ROBO2: variants seen among roughly 807,000 people sequenced by gnomAD.
The protein encoded by ROBO2 is roundabout homolog 2.
ROBO2 carries 53 observed loss-of-function variants against 160.8 expected under a neutral mutation model. The ratio of observed to expected loss-of-function variants is 0.33; its 90% CI spans 0.26 to 0.41. The LOEUF is 0.41. Ranked by LOEUF, ROBO2 falls within the 10% of genes least tolerant of loss-of-function variation. ROBO2 has a pLI of 1.00. For synonymous variants in ROBO2, 664 were observed against 611.7 expected (o/e 1.09, Z -1.26); for missense variants, 1,577 against 1,722.4 (o/e 0.92, Z 1.49).
In ROBO2 at chr3:76,758,436, G is replaced by A. The variant is rs192229240; in HGVS notation, c.110-339578G>A. ...TGGACAGGGTGTGAGGTCTGTAAATGTGTATTCTCAGGTTTTGTCCTTAAC... is the reference window on the plus strand; with the variant it reads ...TGGACAGGGTGTGAGGTCTGTAAATATGTATTCTCAGGTTTTGTCCTTAAC... On this transcript the variant is annotated intron_variant, in intron 2 of 26. Coordinates refer to the ROBO2 transcript ENST00000487694. Among the ~76,000 whole-genome samples, 45 of 151,876 alleles carry A rather than the reference G, an allele frequency of 3.0e-4. No homozygotes were observed. In the East Asian group the frequency reaches 8.2e-3, roughly 28 times the overall value.
chr3:76,495,878 G>A (rs183800597), intron 2 of ROBO2, among the ~76,000 whole-genome samples: 81 of 152,200 alleles, frequency 5.3e-4, no homozygotes, highest in Admixed American at 1.6e-3. Flanking sequence ...AATGATGCAT[G>A]GTTTTATGTT....
chr3:76,710,928 C>G (rs949002340), intron 2 of ROBO2, among the ~76,000 whole-genome samples: 1 of 152,150 alleles, frequency 6.6e-6, no homozygotes, highest in African/African-American at 2.4e-5. Context: ...ATTTATCTGT[C>G]ATTTATCAAT....
At chr3:77,059,041 C>G (rs1047998971) in intron 1 of ROBO2, among the ~76,000 whole-genome samples, 1 of 151,952 alleles carries the variant, frequency 6.6e-6, no homozygotes, top group Non-Finnish European at 1.5e-5. Context: ...TATGTTTATA[C>G]CTGTGATTGA....
chr3:76,671,875 C>T (rs934031322), intron 2 of ROBO2, among the ~76,000 whole-genome samples: 14 of 151,592 alleles, frequency 9.2e-5, no homozygotes, highest in Admixed American at 2.0e-4. Context: ...AATCTAGAAG[C>T]CTTAATTTAA....
chr3:76,039,097 T>C (rs912382097), intron 2 of ROBO2, among the ~76,000 whole-genome samples: 1 of 151,888 alleles, frequency 6.6e-6, no homozygotes, highest in African/African-American at 2.4e-5. Context: ...AACTGCGTAA[T>C]TGACTTTGAA....
chr3:77,592,834 G>A (rs1369228674), intron 17 of ROBO2, among the ~76,000 whole-genome samples: 1 of 152,188 alleles, frequency 6.6e-6, no homozygotes, highest in African/African-American at 2.4e-5. Context: ...TTACAGGCGT[G>A]AGCCACCATG....
chr3:77,423,480 G>GT, intron 2 of ROBO2, among the ~76,000 whole-genome samples: 1 of 152,266 alleles, frequency 6.6e-6, no homozygotes. Context: ...GTTTTCAACT[G>GT]TTTTGACCAA....
chr3:77,185,364 G>A (rs1055686244), intron 2 of ROBO2, among the ~76,000 whole-genome samples: 4 of 151,970 alleles, frequency 2.6e-5, no homozygotes, highest in African/African-American at 9.7e-5. Flanking sequence ...TTTAGTGAAT[G>A]AGTATTTTTG....
intron 2 of ROBO2, among the ~76,000 whole-genome samples, chr3:76,398,873 G>T (rs192103560): frequency 6.6e-6 from 1 of 151,858 alleles, no homozygotes; most frequent in African/African-American, 2.4e-5. Flanking sequence ...GTGCAACTGA[G>T]TATGAAGATG....
At chr3:76,639,369 CAT>C (rs1201110064) in intron 2 of ROBO2, among the ~76,000 whole-genome samples, 1 of 151,076 alleles carries the variant, frequency 6.6e-6, no homozygotes, top group Non-Finnish European at 1.5e-5. Context: ...TATATACCTG[CAT>C]ATGTTTGTAT....
rs567720267 is a variant in ROBO2 at position 76,240,758 on chromosome 3, A to G, written c.109+303156A>G. On this transcript the variant is annotated intron_variant, in intron 2 of 26. Coordinates refer to the ROBO2 transcript ENST00000487694. ...TACAAGAGATACTTATCATTATCCA[A>G]TTGGTAGAATTTCAGTTGTGGAATG... Among the ~76,000 whole-genome samples the G allele has an allele frequency of 6.6e-5, 10 of 152,200 alleles. No homozygotes were observed. In the South Asian group the frequency reaches 1.5e-3, roughly 22 times the overall value.
At chr3:76,465,418 G>A (rs1458540620) in intron 2 of ROBO2, among the ~76,000 whole-genome samples, 1 of 152,004 alleles carries the variant, frequency 6.6e-6, no homozygotes, top group Non-Finnish European at 1.5e-5. Flanking sequence ...ATTGGGATCT[G>A]GGATAAGGCA....
intron 2 of ROBO2, among the ~76,000 whole-genome samples, chr3:76,689,591 C>A (rs1389547821): frequency 6.6e-6 from 1 of 152,038 alleles, no homozygotes; most frequent in Admixed American, 6.6e-5. Context: ...CTCCCATCCC[C>A]CAAAAAAGAA....
chr3:76,519,119 G>C (rs924128576), intron 2 of ROBO2, among the ~76,000 whole-genome samples: 3 of 152,156 alleles, frequency 2.0e-5, no homozygotes, highest in Non-Finnish European at 4.4e-5. Flanking sequence ...GCAAAGCAAG[G>C]AATGAGGAAC....
intron 2 of ROBO2, among the ~76,000 whole-genome samples, chr3:76,919,740 G>T (rs2076547143): frequency 6.6e-6 from 1 of 151,924 alleles, no homozygotes. Context: ...TTACTTTTAA[G>T]CCTGTGACTA....
chr3:76,708,572 G>A (rs1464097315), intron 2 of ROBO2, among the ~76,000 whole-genome samples: 25 of 152,116 alleles, frequency 1.6e-4, no homozygotes, highest in Non-Finnish European at 3.5e-4. Flanking sequence ...GGACACATAC[G>A]TCACTGCATC....
intron 2 of ROBO2, among the ~76,000 whole-genome samples, chr3:75,943,652 A>T (rs1948149943): frequency 6.6e-6 from 1 of 152,190 alleles, no homozygotes; most frequent in South Asian, 2.1e-4. Context: ...AAGTGGTAGG[A>T]TCAGATGTGA....
chr3:76,157,046 A>G (rs554227399), intron 2 of ROBO2, among the ~76,000 whole-genome samples: 9 of 152,192 alleles, frequency 5.9e-5, no homozygotes, highest in Non-Finnish European at 1.3e-4. Flanking sequence ...GTGTGGATAT[A>G]CAAAATTCTT....
chr3:77,178,758 TA>T (rs1311450070), intron 2 of ROBO2, among the ~76,000 whole-genome samples: 4 of 152,232 alleles, frequency 2.6e-5, no homozygotes, highest in Middle Eastern at 3.4e-3. Flanking sequence ...TTCTCTTAAA[TA>T]TACTCCTGAA....
Sources: allele counts gnomAD v4.1 joint callset (sites outside exome capture counted in the v4.1 genomes callset), GRCh38; gene constraint gnomAD v4.1.1; transcripts MANE v1.5; gene names NCBI Gene and HGNC (gene_info 2026-07-23, HGNC 2026-07-21).